The following CTNNA2 variants were observed in gnomAD, a reference collection of about 807,000 sequenced individuals.
CTNNA2 encodes the protein catenin alpha 2, also known as catenin alpha-2.
In CTNNA2, 42 loss-of-function variants were observed where a neutral mutation model predicts 101.0. The observed-to-expected ratio is 0.42, with a 90% CI of 0.32 to 0.54. The LOEUF (loss-of-function observed/expected upper bound fraction) is 0.54. Ranked by LOEUF, CTNNA2 falls within the 20% of genes least tolerant of loss-of-function variation. The pLI, the probability that CTNNA2 is intolerant of heterozygous loss-of-function variation, is 0.14. For synonymous variants in CTNNA2, 450 were observed against 456.4 expected (o/e 0.99, Z 0.18); for missense variants, 871 against 1,223.1 (o/e 0.71, Z 4.29).
At chr2:79,664,031 A>G (rs1408838328) in intron 2 of CTNNA2, among the ~76,000 whole-genome samples, 1 of 152,246 alleles carries the variant, frequency 6.6e-6, no homozygotes, top group East Asian at 1.9e-4. Flanking sequence ...GCATTTTAAA[A>G]GATAAATATA....
chr2:80,414,534 T>TA (rs1323735717), intron 8 of CTNNA2, among the ~76,000 whole-genome samples: 1 of 152,180 alleles, frequency 6.6e-6, no homozygotes, highest in Non-Finnish European at 1.5e-5. Flanking sequence ...AATCTCTGTA[T>TA]AAGAAGCTTA....
intron 18 of CTNNA2, among the ~76,000 whole-genome samples, chr2:80,627,177 G>A (rs934435529): frequency 9.6e-5 from 6 of 62,312 alleles, no homozygotes; most frequent in East Asian, 6.5e-4. Context: ...ATAAACATAC[G>A]TGTGTGTGTG....
At chr2:79,910,458 GTGA>G (rs1685710212) in intron 7 of CTNNA2, among the ~76,000 whole-genome samples, 2 of 152,294 alleles carry the variant, frequency 1.3e-5, no homozygotes, top group African/African-American at 4.8e-5. Flanking sequence ...CTGCAAGAAG[GTGA>G]TGAAACTCAT....
At chr2:79,947,367 A>G (rs1688568286) in intron 7 of CTNNA2, among the ~76,000 whole-genome samples, 1 of 152,140 alleles carries the variant, frequency 6.6e-6, no homozygotes, top group Non-Finnish European at 1.5e-5. Context: ...GGTCTAGAAG[A>G]TTTATTTTCT....
At chr2:80,284,560 G>C (rs181895605) in intron 7 of CTNNA2, among the ~76,000 whole-genome samples, 103 of 151,978 alleles carry the variant, frequency 6.8e-4, no homozygotes, top group Middle Eastern at 3.4e-3. Context: ...TTCATTACTG[G>C]GTTTTTCCTC....
intron 3 of CTNNA2, among the ~76,000 whole-genome samples, chr2:79,781,821 G>A (rs1204328175): frequency 3.3e-5 from 5 of 152,182 alleles, no homozygotes; most frequent in South Asian, 2.1e-4. Flanking sequence ...AAACACACAA[G>A]TAGTTAGTCC....
intron 9 of CTNNA2, among the ~76,000 whole-genome samples, chr2:80,543,292 G>T (rs1210526826): frequency 6.6e-6 from 1 of 152,122 alleles, no homozygotes; most frequent in Non-Finnish European, 1.5e-5. Flanking sequence ...CTGCATCGTT[G>T]GTTCCTGCCC....
intron 9 of CTNNA2, among the ~76,000 whole-genome samples, chr2:80,524,969 C>A (rs1573131371): frequency 6.6e-6 from 1 of 152,150 alleles, no homozygotes; most frequent in African/African-American, 2.4e-5. Flanking sequence ...TTTTGGGGAA[C>A]AGGTGGTATT....
chr2:79,322,811 G>A (rs1351982070), intron 3 of CTNNA2, among the ~76,000 whole-genome samples: 3 of 152,190 alleles, frequency 2.0e-5, no homozygotes, highest in Admixed American at 6.5e-5. Flanking sequence ...GTGAAATGGT[G>A]AAGCTGAACT....
intron 2 of CTNNA2, among the ~76,000 whole-genome samples, chr2:79,247,227 C>G (rs937328695): frequency 6.6e-5 from 10 of 152,200 alleles, no homozygotes; most frequent in African/African-American, 2.2e-4. Flanking sequence ...GCTAGTTTCT[C>G]CCCCAGCCCA....
At chr2:79,954,604 A>T (rs563906607) in intron 7 of CTNNA2, among the ~76,000 whole-genome samples, 1 of 152,296 alleles carries the variant, frequency 6.6e-6, no homozygotes, top group South Asian at 2.1e-4. Flanking sequence ...CAAACTGTTT[A>T]TCTTTGTGTG....
intron 2 of CTNNA2, among the ~76,000 whole-genome samples, chr2:79,724,360 A>G (rs373926807): frequency 2.4e-3 from 358 of 152,152 alleles, no homozygotes; most frequent in South Asian, 0.013. Context: ...TGCTCTGTGC[A>G]TTCCAGGAGA....
chr2:80,357,232 T>C (rs1387281393), intron 7 of CTNNA2, among the ~76,000 whole-genome samples: 1 of 140,442 alleles, frequency 7.1e-6, no homozygotes, highest in Non-Finnish European at 1.6e-5. Context: ...AAATAGCATT[T>C]TTTTTTTGTT....
At chr2:79,290,431 G>A (rs781782180) in intron 2 of CTNNA2, among the ~76,000 whole-genome samples, 3 of 152,106 alleles carry the variant, frequency 2.0e-5, no homozygotes, top group Non-Finnish European at 4.4e-5. Context: ...TGTGCCCACG[G>A]ACCTAGGTGA....
chr2:80,347,190 G>T (rs892242567), intron 7 of CTNNA2, among the ~76,000 whole-genome samples: 1 of 152,198 alleles, frequency 6.6e-6, no homozygotes, highest in Non-Finnish European at 1.5e-5. Flanking sequence ...ACCTTCAATT[G>T]GAAATGGCCT....
chr2:79,518,939 C>T (rs962438020), intron 1 of CTNNA2, among the ~76,000 whole-genome samples: 7 of 151,704 alleles, frequency 4.6e-5, no homozygotes, highest in Non-Finnish European at 7.4e-5. Flanking sequence ...CTCAAATTTC[C>T]TGGGGAAGCC....
chr2:80,221,842 T>A (rs1708594937), intron 7 of CTNNA2, among the ~76,000 whole-genome samples: 1 of 152,258 alleles, frequency 6.6e-6, no homozygotes, highest in Non-Finnish European at 1.5e-5. Flanking sequence ...CAGATCCTTT[T>A]GGTAGGATGC....
At position 79,744,518 on chromosome 2, in the gene CTNNA2, C is replaced by T. The variant is rs200093329; in HGVS notation, c.234C>T (p.Ile78=). 26 of 1,614,026 alleles carry T rather than the reference C, an allele frequency of 1.6e-5. No homozygotes were observed. Among genetic ancestry groups the T allele is most frequent in the East Asian group, 2.2e-5 (1 of 44,864 alleles). ...ATTTCCTGGAAAAGGGTGAACAGAT[C>T]GCTAAGGAGAGTCAAGATCTCAAAG... ...TQNFLEKGEQ[I]AKESQDLKEE... is the part of the protein sequence containing the mutation. Residue 78 remains isoleucine, a synonymous_variant, in exon 3 of 19, where the codon ATC becomes ATT. Coordinates refer to ENST00000402739, the MANE Select transcript of CTNNA2 (RefSeq NM_001282597.3).
chr2:80,041,081 A>G (rs1574612916), intron 7 of CTNNA2, among the ~76,000 whole-genome samples: 2 of 152,170 alleles, frequency 1.3e-5, no homozygotes, highest in South Asian at 4.1e-4. Flanking sequence ...GAAAAAATAT[A>G]TATGTCATTA....
Sources: gnomAD v4.1 joint callset for allele counts (sites outside exome capture counted in the v4.1 genomes callset) on GRCh38, gnomAD v4.1.1 for gene constraint, MANE v1.5 for transcripts, NCBI Gene and HGNC (gene_info 2026-07-23, HGNC 2026-07-21) for gene names.